Variants in ULK3 observed in about 807,000 individuals in gnomAD.
ULK3 encodes the protein serine/threonine-protein kinase ULK3.
In ULK3, 54 loss-of-function variants were observed where a neutral mutation model predicts 69.4. That is an observed-to-expected ratio of 0.78 (90% CI 0.63 to 0.98). The LOEUF is 0.98. ULK3 is among the 50% of genes least tolerant of loss of function. The probability of loss-of-function intolerance (pLI) is 0.00; values close to 1 mark genes in which losing one functional copy is unlikely to be tolerated. For missense variants in ULK3, 558 were observed against 627.7 expected, an observed-to-expected ratio of 0.89 and a Z score of 1.19; for synonymous variants, 240 against 254.5, an observed-to-expected ratio of 0.94 and a Z score of 0.54.
At position 74,837,754 on chromosome 15, in the gene ULK3, G is replaced by GAC; in HGVS notation, c.1330_1331dup (p.Lys445SerfsTer3). The GAC allele has an allele frequency of 6.3e-7, 1 of 1,597,112 alleles. No homozygotes were observed. Among genetic ancestry groups the GAC allele is most frequent in the Non-Finnish European group, 8.5e-7 (1 of 1,171,444 alleles). ...AGCGTGGCCCCCATGTGCCCACCTT[G>GAC]ACCTGCTCCTTCAAGTATTCAGCTC... On this transcript the variant is annotated frameshift_variant, in exon 14 of 16. Coordinates refer to ENST00000440863, the MANE Select transcript of ULK3 (RefSeq NM_001099436.4). LOFTEE classifies it high-confidence loss of function.
Position 74,839,608 on chromosome 15 carries a change from G to T in ULK3, c.802C>A (p.Pro268Thr), listed in dbSNP as rs754444795. 1 of 1,563,610 alleles carries T rather than the reference G, an allele frequency of 6.4e-7. No individual in the cohort carries two copies. The highest frequency in any genetic ancestry group is 8.7e-7 in the Non-Finnish European group (1 of 1,155,276). The change falls in exon 7 of 16, where the codon CCC becomes ACC. Residue 268 changes from proline to threonine, a missense_variant. Pro to Thr is a conservative substitution (Grantham distance 38). Coordinates refer to ENST00000440863, the MANE Select transcript of ULK3 (RefSeq NM_001099436.4). ...RISFQDFFAH[P>T]WVDLEHMPSG... ...GGCATGTGCTCCAGGTCCACCCAGGGGTGCGCAAAAAAGTCCTGGAAGGAG... is the reference window on the plus strand; with the variant it reads ...GGCATGTGCTCCAGGTCCACCCAGGTGTGCGCAAAAAAGTCCTGGAAGGAG...
rs756714445 is a variant in ULK3, at chr15:74,842,050, T to C, written c.364+25A>G. 1.9e-6 allele frequency: 3 copies of C among 1,613,112 alleles called. 1 individual carries two copies. Among genetic ancestry groups the C allele is most frequent in the Admixed American group, 3.3e-5 (2 of 59,994 alleles). Reference sequence around the variant, plus strand: ...GGGGCAGAGAACAAGGGACAGAGTGTCAGGCTGGTGTCACAGGCCTTTACC... The same window carrying C: ...GGGGCAGAGAACAAGGGACAGAGTGCCAGGCTGGTGTCACAGGCCTTTACC... On this transcript the variant is annotated intron_variant, in intron 3 of 15. Transcript: ENST00000440863. The surrounding 1 kb of genome is among the most constrained non-coding windows in gnomAD (Gnocchi z 4.9).
In ULK3 at chr15:74,842,869, G is replaced by A. The variant is rs1418843806; in HGVS notation, c.102+135C>T. 15 of 1,324,098 alleles carry A rather than the reference G, an allele frequency of 1.1e-5. No individual in the cohort carries two copies. Among genetic ancestry groups the A allele is most frequent in the African/African-American group, 4.4e-5 (3 of 68,002 alleles). 82.0% of individuals were successfully genotyped at this position (1,324,098 alleles called of 1,614,324 possible). On this transcript the variant is annotated intron_variant, in intron 1 of 15. Transcript: ENST00000440863. The surrounding 1 kb of genome is among the most constrained non-coding windows in gnomAD (Gnocchi z 4.9). ...AGCGTGGCAGTCGGCTCCAACCTCC[G>A]CCGAGGGTCAGCTGGGGCGAGGCCG... is the stretch of plus-strand genomic sequence containing the variant.
rs1458325357 is a variant in ULK3 at position 74,842,676 on chromosome 15, T to C, written c.103-256A>G. 1.3e-6 allele frequency: 2 copies of C among 1,535,494 alleles called. No homozygotes were observed. The highest frequency in any genetic ancestry group is 2.0e-5 in the Admixed American group (1 of 50,994). On this transcript the variant is annotated intron_variant, in intron 1 of 15. Coordinates refer to ENST00000440863, the MANE Select transcript of ULK3 (RefSeq NM_001099436.4). The surrounding 1 kb of genome is among the most constrained non-coding windows in gnomAD (Gnocchi z 4.9). ...CTAGCTGATCCATTTCTTTGCATTC[T>C]GGAGTGCTCCCGGCAGAGGCATGTC...
intron 5 of ULK3, 65 bp from the exon 6 acceptor site, chr15:74,840,381 G>A (rs2064203211): frequency 6.4e-7 from 1 of 1,573,606 alleles, no homozygotes; most frequent in Non-Finnish European, 8.6e-7. Flanking sequence ...ACGCCCCTCA[G>A]CAGGGGCCCT....
At position 74,837,768 on chromosome 15, in the gene ULK3, A is replaced by C. The variant is rs1457352970; in HGVS notation, c.1318T>G (p.Leu440Val). 3 of 1,599,408 alleles carry C rather than the reference A, an allele frequency of 1.9e-6. No homozygotes were observed. Among genetic ancestry groups the C allele is most frequent in the Non-Finnish European group, 2.6e-6 (3 of 1,172,880 alleles). ...GTGCCCACCTTGACCTGCTCCTTCAAGTATTCAGCTCGGGCCATGAGGTTC... is the reference window on the plus strand; with the variant it reads ...GTGCCCACCTTGACCTGCTCCTTCACGTATTCAGCTCGGGCCATGAGGTTC... ...VQNLMARAEY[L>V]KEQVKMRESR... Residue 440 changes from leucine (L) to valine (V), a missense_variant, in exon 14 of 16, where the codon TTG becomes GTG. Transcript: ENST00000440863.
At chr15:74,840,960 T>C (rs1381274152) in intron 4 of ULK3, among the ~76,000 whole-genome samples, 1 of 151,646 alleles carries the variant, frequency 6.6e-6, no homozygotes, top group African/African-American at 2.4e-5. Context: ...CCAGTGTCAA[T>C]TATCCAAATC....
Position 74,837,133 on chromosome 15 carries a change from C to G in ULK3, c.*95G>C, listed in dbSNP as rs1878854249. Reference sequence around the variant, plus strand: ...CTGTCCATCCAAGAAGCCTGCTCGCCAGGGCTGCAGTGGGCCACTTCATTC... The same window carrying G: ...CTGTCCATCCAAGAAGCCTGCTCGCGAGGGCTGCAGTGGGCCACTTCATTC... On this transcript the variant is annotated 3_prime_UTR_variant, in exon 16 of 16. Transcript: ENST00000440863. The G allele has an allele frequency of 6.8e-7, 1 of 1,472,290 alleles. No individual in the cohort carries two copies. Among genetic ancestry groups the G allele is most frequent in the African/African-American group, 1.4e-5 (1 of 70,898 alleles). The allele number at this position is 1,472,290 out of a possible 1,614,324, so 91.2% of individuals were successfully genotyped here.
At position 74,842,112 on chromosome 15, in the gene ULK3, C is replaced by T; in HGVS notation, c.327G>A (p.Leu109=). ...LSRFIHTRRI[L]PEKVARVFMQ... ...TGAAGACACGCGCCACCTTCTCAGG[C>T]AGAATCCTGCGGGTATGGATGAAGC... The change falls in exon 3 of 16, where the codon CTG becomes CTA. Residue 109 remains leucine, a synonymous_variant. Coordinates refer to ENST00000440863, the MANE Select transcript of ULK3 (RefSeq NM_001099436.4). This position sits in a 1 kb window ranked among gnomAD's most constrained non-coding sequence, Gnocchi z 4.9. The T allele has an allele frequency of 6.2e-7, 1 of 1,613,962 alleles. No homozygotes were observed. Among genetic ancestry groups the T allele is most frequent in the Non-Finnish European group, 8.5e-7 (1 of 1,179,898 alleles).
At position 74,838,291 on chromosome 15, in the gene ULK3, C is replaced by G. The variant is rs1316815355; in HGVS notation, c.1221G>C (p.Leu407=). The change falls in exon 12 of 16, where the codon CTG becomes CTC. Residue 407 remains leucine, a synonymous_variant. Coordinates refer to ENST00000440863, the MANE Select transcript of ULK3 (RefSeq NM_001099436.4). ...QDALDLYQHS[L]GELLLLLAAE... is the part of the protein sequence containing the mutation. ...CTGCCAGCAACAGCAGTAGCTCCCC[C>G]AGGCTGTGCTGGTACAGGTCCAGGG... 1 of 1,563,614 alleles carries G rather than the reference C, an allele frequency of 6.4e-7. No homozygotes were observed. The highest frequency in any genetic ancestry group is 8.7e-7 in the Non-Finnish European group (1 of 1,154,026).
At position 74,842,455 on chromosome 15, in the gene ULK3, G is replaced by C. The variant is rs1394414194; in HGVS notation, c.103-35C>G. The C allele has an allele frequency of 6.2e-7, 1 of 1,613,422 alleles. No individual in the cohort carries two copies. The highest frequency in any genetic ancestry group is 2.2e-5 in the East Asian group (1 of 44,884). On this transcript the variant is annotated intron_variant, in intron 1 of 15. Coordinates refer to ENST00000440863, the MANE Select transcript of ULK3 (RefSeq NM_001099436.4). This position sits in a 1 kb window ranked among gnomAD's most constrained non-coding sequence, Gnocchi z 4.9. Reference sequence around the variant, plus strand: ...AGGAGATTTGGGGACTCTGCCTTGAGGGGGCCAGGACCCTTGTCTGACTGG... The same window carrying C: ...AGGAGATTTGGGGACTCTGCCTTGACGGGGCCAGGACCCTTGTCTGACTGG...
chr15:74,837,069 G>T lies in ULK3; in HGVS notation c.*159C>A. On this transcript the variant is annotated 3_prime_UTR_variant, in exon 16 of 16. Transcript: ENST00000440863. ...CCATCTGTGGGGTGCAGAGTAACCTGAGGGAGGCTGGGGACTCTGGGATAT... is the reference window on the plus strand; with the variant it reads ...CCATCTGTGGGGTGCAGAGTAACCTTAGGGAGGCTGGGGACTCTGGGATAT... 1 of 1,019,608 alleles carries T rather than the reference G, an allele frequency of 9.8e-7. No homozygotes were observed. The highest frequency in any genetic ancestry group is 1.4e-6 in the Non-Finnish European group (1 of 716,522). The allele number at this position is 1,019,608 out of a possible 1,614,324, so 63.2% of individuals were successfully genotyped here. A position where few individuals can be genotyped will look rare whatever the true frequency, so the allele number is the denominator to read the frequency against.
chr15:74,838,557 C>T (rs2141136921), intron 10 of ULK3, 53 bp from the exon 11 acceptor site: 1 of 1,568,054 alleles, frequency 6.4e-7, no homozygotes, highest in Middle Eastern at 1.7e-4. Flanking sequence ...CTGTTCGCTG[C>T]AGGATGCCTC....
rs2064310413 is a variant in ULK3, at chr15:74,842,817, G to A, written c.102+187C>T. 1 of 1,375,246 alleles carries A rather than the reference G, an allele frequency of 7.3e-7. No individual in the cohort carries two copies. Among genetic ancestry groups the A allele is most frequent in the Non-Finnish European group, 9.7e-7 (1 of 1,028,620 alleles). 85.2% of individuals were successfully genotyped at this position (1,375,246 alleles called of 1,614,324 possible). On this transcript the variant is annotated intron_variant, in intron 1 of 15. Transcript: ENST00000440863. The surrounding 1 kb of genome is among the most constrained non-coding windows in gnomAD (Gnocchi z 4.9). ...TTCTTCAGCCACTGACCCTGCAGGT[G>A]GGTGCAGGTGCGCTCTTTAAGACCT... is the stretch of plus-strand genomic sequence containing the variant.
chr15:74,841,044 A>G (rs1442526786), intron 4 of ULK3, among the ~76,000 whole-genome samples: 1 of 152,088 alleles, frequency 6.6e-6, no homozygotes, highest in Non-Finnish European at 1.5e-5. Flanking sequence ...CACAGACTTG[A>G]GCCCCAATTC....
In ULK3 at chr15:74,842,961, C is replaced by A. The variant is rs948106669; in HGVS notation, c.102+43G>T. On this transcript the variant is annotated intron_variant, in intron 1 of 15. Coordinates refer to ENST00000440863, the MANE Select transcript of ULK3 (RefSeq NM_001099436.4). This position sits in a 1 kb window ranked among gnomAD's most constrained non-coding sequence, Gnocchi z 4.9. Reference sequence around the variant, plus strand: ...CAGAGTCTCCCCGGCCGGCACCAGCCGAGCTAGCTCGGGCGGGCACGGGGC... The same window carrying A: ...CAGAGTCTCCCCGGCCGGCACCAGCAGAGCTAGCTCGGGCGGGCACGGGGC... 2 of 1,532,670 alleles carry A rather than the reference C, an allele frequency of 1.3e-6. No homozygotes were observed. Among genetic ancestry groups the A allele is most frequent in the Non-Finnish European group, 1.8e-6 (2 of 1,137,136 alleles). 94.9% of individuals were successfully genotyped at this position (1,532,670 alleles called of 1,614,324 possible).
At chr15:74,839,473 G>T (rs1020587816) in intron 7 of ULK3, 85 bp downstream of exon 7, 6 of 1,538,866 alleles carry the variant, frequency 3.9e-6, no homozygotes, top group Non-Finnish European at 5.3e-6. Flanking sequence ...TGTCTCTGTT[G>T]GGTGAGTCAC....
chr15:74,842,848 T>C lies in ULK3; in HGVS notation c.102+156A>G. 7.5e-7 allele frequency: 1 copy of C among 1,342,178 alleles called. No individual in the cohort carries two copies. The highest frequency in any genetic ancestry group is 1.0e-6 in the Non-Finnish European group (1 of 1,000,708). The allele number at this position is 1,342,178 out of a possible 1,614,324, so 83.1% of individuals were successfully genotyped here. ...AGGTGCGCTCTTTAAGACCTAAGCG[T>C]GGCAGTCGGCTCCAACCTCCGCCGA... On this transcript the variant is annotated intron_variant, in intron 1 of 15. Transcript: ENST00000440863. The surrounding 1 kb of genome is among the most constrained non-coding windows in gnomAD (Gnocchi z 4.9).
At chr15:74,840,026 C>T (rs757352274) in intron 6 of ULK3, among the ~76,000 whole-genome samples, 1 of 152,170 alleles carries the variant, frequency 6.6e-6, no homozygotes, top group African/African-American at 2.4e-5. Flanking sequence ...CAAGGGCCTG[C>T]AAAATGGGCA....
Sources: allele counts gnomAD v4.1 joint callset (sites outside exome capture counted in the v4.1 genomes callset), GRCh38; gene constraint gnomAD v4.1.1; non-coding constraint Gnocchi (gnomAD v3.1); transcripts MANE v1.5; gene names NCBI Gene and HGNC (gene_info 2026-07-23, HGNC 2026-07-21).